The following AMPD1 variants were observed in gnomAD, a reference collection of about 807,000 sequenced individuals.
AMPD1 encodes AMP deaminase 1.
In AMPD1, 74 loss-of-function variants were observed where a neutral mutation model predicts 82.9. The ratio of observed to expected loss-of-function variants is 0.89; its 90% CI spans 0.74 to 1.08. The LOEUF (loss-of-function observed/expected upper bound fraction) is 1.08. AMPD1 is among the 50% of genes least tolerant of loss of function. AMPD1 has a pLI of 0.00. For synonymous variants in AMPD1, 333 were observed against 320.5 expected (o/e 1.04, Z -0.42); for missense variants, 881 against 924.5 (o/e 0.95, Z 0.61).
intron 1 of AMPD1, among the ~76,000 whole-genome samples, chr1:114,694,738 G>T (rs978882261): frequency 9.2e-5 from 14 of 152,104 alleles, no homozygotes; most frequent in African/African-American, 3.4e-4. Flanking sequence ...CAGCTACTCG[G>T]GAGGCTGAGG....
In AMPD1 at chr1:114,684,365, C is replaced by T. The variant is rs1192798077; in HGVS notation, c.382-1G>A. On this transcript the variant is annotated splice_acceptor_variant, in intron 4 of 15. Coordinates refer to ENST00000520113, the MANE Select transcript of AMPD1 (RefSeq NM_000036.3). LOFTEE classifies it high-confidence loss of function. ...CAATTTCAAAATCTTCAACTGTAACCTGCCAAAAAAAAAAAAGTCAGCATA... is the reference window on the plus strand; with the variant it reads ...CAATTTCAAAATCTTCAACTGTAACTTGCCAAAAAAAAAAAAGTCAGCATA... 3 of 1,611,066 alleles carry T rather than the reference C, an allele frequency of 1.9e-6. No individual in the cohort carries two copies. Among genetic ancestry groups the T allele is most frequent in the Non-Finnish European group, 2.5e-6 (3 of 1,179,136 alleles).
At chr1:114,679,494 GAA>G in intron 7 of AMPD1, 83 bp downstream of exon 7, 2 of 1,562,740 alleles carry the variant, frequency 1.3e-6, no homozygotes, top group Non-Finnish European at 8.8e-7. Context: ...AGATTAATCA[GAA>G]ACACACTCTT....
rs1658103900 is a variant in AMPD1 at position 114,679,818 on chromosome 1, A to G, written c.768-110T>C. On this transcript the variant is annotated intron_variant, in intron 6 of 15. Coordinates refer to ENST00000520113, the MANE Select transcript of AMPD1 (RefSeq NM_000036.3). ...ATCATTCATAGGAAATAATTGTTGG[A>G]ACAAACCTTTTAGTTTACTCTGCAG... The G allele has an allele frequency of 2.3e-6, 3 of 1,314,052 alleles. No individual in the cohort carries two copies. The South Asian group carries it at 3.6e-5, about 16-fold the overall frequency. The allele number at this position is 1,314,052 out of a possible 1,614,324, so 81.4% of individuals were successfully genotyped here. A position where few individuals can be genotyped will look rare whatever the true frequency, so the allele number is the denominator to read the frequency against.
At chr1:114,677,871 C>T (rs1658045807) in intron 9 of AMPD1, 39 bp downstream of exon 9, 1 of 1,499,824 alleles carries the variant, frequency 6.7e-7, no homozygotes, top group African/African-American at 1.5e-5. Context: ...TCCTCAAGAA[C>T]CATGCCAGAT....
intron 4 of AMPD1, 93 bp downstream of exon 4, chr1:114,686,652 C>T: frequency 7.4e-7 from 1 of 1,351,824 alleles, no homozygotes; most frequent in Non-Finnish European, 1.1e-6. Context: ...GCTAATACCT[C>T]CCTCAACAGG....
intron 11 of AMPD1, 24 bp downstream of exon 11, chr1:114,675,853 G>C (rs764129426): frequency 1.2e-6 from 2 of 1,614,026 alleles, no homozygotes; most frequent in Non-Finnish European, 1.7e-6. Context: ...GCAGCAGTAT[G>C]AAGGCCTGAA....
rs765995365 is a variant in AMPD1 at position 114,677,343 on chromosome 1, G to A, written c.1388+8C>T. 2 of 1,609,828 alleles carry A rather than the reference G, an allele frequency of 1.2e-6. No individual in the cohort carries two copies. Among genetic ancestry groups the A allele is most frequent in the African/African-American group, 1.4e-5 (1 of 73,436 alleles). ...AGGCTCTAGAGTTTCTGATGGGCAGGTACATACTAGATCCTGGGAACCTGG... is the reference window on the plus strand; with the variant it reads ...AGGCTCTAGAGTTTCTGATGGGCAGATACATACTAGATCCTGGGAACCTGG... On this transcript the variant is annotated splice_region_variant and intron_variant, in intron 10 of 15. Transcript: ENST00000520113.
At chr1:114,687,052 C>G (rs557628271) in intron 3 of AMPD1, 142 bp from the exon 4 acceptor site, 6 of 851,176 alleles carry the variant, frequency 7.0e-6, no homozygotes, top group Middle Eastern at 3.2e-4. Flanking sequence ...AAACAGGATC[C>G]AAGCATAGTG....
In AMPD1 at chr1:114,682,728, G is replaced by A. The variant is rs550315774; in HGVS notation, c.547+1471C>T. ...GGAGTAGCTGGGACTACAGGCGCCC[G>A]CCACCACGCCTGGCTAATTTTTTGT... On this transcript the variant is annotated intron_variant, in intron 5 of 15. Coordinates refer to ENST00000520113, the MANE Select transcript of AMPD1 (RefSeq NM_000036.3). 3.1e-4 allele frequency among the ~76,000 whole-genome samples: 47 copies of A among 152,178 alleles called. No individual in the cohort carries two copies. The South Asian group carries it at 7.5e-3, about 24-fold the overall frequency.
In AMPD1 at chr1:114,692,774, C is replaced by T. The variant is rs560688926; in HGVS notation, c.34+662G>A. Among the ~76,000 whole-genome samples, 8 of 140,718 alleles carry T rather than the reference C, an allele frequency of 5.7e-5. No individual in the cohort carries two copies. The South Asian group carries it at 1.3e-3, about 23-fold the overall frequency. The allele number at this position is 140,718 out of a possible 152,430, so 92.3% of individuals were successfully genotyped here. The stretch of plus-strand genomic sequence containing the variant: ...AACAATTTTTTTTTTTTTTTTTGCG[C>T]TGGAGTTGCTTTACTAAGGCAAGAT... On this transcript the variant is annotated intron_variant, in intron 2 of 15. Transcript: ENST00000520113.
chr1:114,675,565 C>T lies in AMPD1; in HGVS notation c.1644G>A (p.Met548Ile). ...TGTTGAGCACCATGATGTTTGCATA[C>T]ATGTAGTAGGCATAGTAAGTGTAAG... ...NPSYTYYAYY[M>I]YANIMVLNSL... Residue 548 changes from methionine (M) to isoleucine (I), a missense_variant, in exon 12 of 16, where the codon ATG (methionine) becomes ATA (isoleucine). Physicochemically the swap from Met to Ile is conservative, Grantham distance 10. Around this residue, in one of 2 missense-constraint regions of AMPD1, gnomAD observed 783 missense variants for 786.4 expected, o/e 1.00. Transcript: ENST00000520113. 6.2e-7 allele frequency: 1 copy of T among 1,614,166 alleles called. No individual in the cohort carries two copies. Among genetic ancestry groups the T allele is most frequent in the Non-Finnish European group, 8.5e-7 (1 of 1,180,014 alleles).
intron 5 of AMPD1, among the ~76,000 whole-genome samples, chr1:114,682,005 G>A (rs1557971399): frequency 6.6e-6 from 1 of 152,214 alleles, no homozygotes; most frequent in Non-Finnish European, 1.5e-5. Flanking sequence ...ACTGAGAAGA[G>A]ATTAAGTGGA....
chr1:114,690,061 C>G (rs771401087), intron 2 of AMPD1, among the ~76,000 whole-genome samples: 1 of 152,200 alleles, frequency 6.6e-6, no homozygotes, highest in Admixed American at 6.5e-5. Flanking sequence ...ACAGAGCAAA[C>G]TGTATGTAGA....
intron 8 of AMPD1, 104 bp from the exon 9 acceptor site, chr1:114,678,145 G>T: frequency 1.3e-6 from 2 of 1,504,474 alleles, no homozygotes; most frequent in Non-Finnish European, 1.8e-6. Context: ...GTGGGGGAGG[G>T]CATTGGGCTC....
In AMPD1 at chr1:114,675,992, C is replaced by T. The variant is rs140957303; in HGVS notation, c.1400G>A (p.Arg467His). 208 of 1,613,744 alleles carry T rather than the reference C, an allele frequency of 1.3e-4. No individual in the cohort carries two copies. Among genetic ancestry groups the T allele is most frequent in the East Asian group, 4.0e-4 (18 of 44,868 alleles). ...IQVPRIYDVF[R>H]SKNFLPHFGK... ...AAAATGTGGAAGGAAATTCTTGGAA[C>T]GGAACACATCACTAGAGGCAAGAAT... Residue 467 changes from arginine to histidine, a missense_variant, in exon 11 of 16, where the codon CGT (arginine) becomes CAT (histidine). Coordinates refer to ENST00000520113, the MANE Select transcript of AMPD1 (RefSeq NM_000036.3).
chr1:114,679,803 G>T (rs1460430603), intron 6 of AMPD1, 95 bp from the exon 7 acceptor site: 8 of 1,452,904 alleles, frequency 5.5e-6, no homozygotes, highest in Admixed American at 1.7e-5. Flanking sequence ...ATCATTCATA[G>T]GAAATAATTG....
intron 5 of AMPD1, among the ~76,000 whole-genome samples, chr1:114,681,714 A>G (rs1473848825): frequency 6.6e-6 from 1 of 152,186 alleles, no homozygotes. Flanking sequence ...CATTTGTTAT[A>G]ATAGATGAAT....
At chr1:114,690,147 T>C (rs530504270) in intron 2 of AMPD1, among the ~76,000 whole-genome samples, 9 of 152,300 alleles carry the variant, frequency 5.9e-5, no homozygotes, top group African/African-American at 1.9e-4. Flanking sequence ...ATTAAGTAGA[T>C]GTCATGTGTT....
At chr1:114,683,104 A>G (rs1178727877) in intron 5 of AMPD1, 1 of 434,150 alleles carries the variant, frequency 2.3e-6, no homozygotes, top group Admixed American at 2.7e-5. Context: ...CTGATTGTTG[A>G]AAAATACGTA....
Sources: allele counts gnomAD v4.1 joint callset (sites outside exome capture counted in the v4.1 genomes callset), GRCh38; gene constraint gnomAD v4.1.1; regional missense constraint gnomAD v4.1.1; transcripts MANE v1.5; gene names NCBI Gene and HGNC (gene_info 2026-07-23, HGNC 2026-07-21).